The following FAF1 variants were observed in gnomAD, a reference collection of about 807,000 sequenced individuals.
The protein encoded by FAF1 is FAS-associated factor 1.
In FAF1, 25 loss-of-function variants were observed where a neutral mutation model predicts 92.5. The observed-to-expected ratio is 0.27, with a 90% CI of 0.20 to 0.38. The LOEUF is 0.38. Ranked by LOEUF, FAF1 falls within the 10% of genes least tolerant of loss-of-function variation. The pLI, the probability that FAF1 is intolerant of heterozygous loss-of-function variation, is 1.00. For synonymous variants in FAF1, 234 were observed against 273.2 expected, an observed-to-expected ratio of 0.86 and a Z score of 1.42; for missense variants, 636 against 793.3, an observed-to-expected ratio of 0.80 and a Z score of 2.38.
intron 4 of FAF1, among the ~76,000 whole-genome samples, chr1:50,768,631 T>A (rs1660667352): frequency 6.6e-6 from 1 of 151,272 alleles, no homozygotes. Flanking sequence ...AGTAAGAAAA[T>A]CACTCAAAAG....
intron 8 of FAF1, among the ~76,000 whole-genome samples, chr1:50,653,089 T>C (rs1056653581): frequency 1.3e-5 from 2 of 152,076 alleles, no homozygotes; most frequent in African/African-American, 2.4e-5. Flanking sequence ...CAGTAGACCA[T>C]CATGTATGAA....
intron 2 of FAF1, among the ~76,000 whole-genome samples, chr1:50,807,705 G>T (rs1193240115): frequency 6.6e-6 from 1 of 152,078 alleles, no homozygotes; most frequent in Non-Finnish European, 1.5e-5. Flanking sequence ...AAATAATTCA[G>T]TCAGACAAAA....
chr1:50,869,496 T>C (rs899490331), intron 1 of FAF1, among the ~76,000 whole-genome samples: 7 of 152,178 alleles, frequency 4.6e-5, no homozygotes, highest in Admixed American at 3.9e-4. Context: ...TGTTGCATGT[T>C]TTAGTAAATC....
rs1645213642 is a variant in FAF1 at position 50,951,427 on chromosome 1, T to C, written c.45+8340A>G. Among the ~76,000 whole-genome samples the C allele has an allele frequency of 3.3e-5, 5 of 152,184 alleles. No individual in the cohort carries two copies. In the South Asian group the frequency reaches 1.0e-3, roughly 32 times the overall value. ...AACAGCTAAAATTTATTGAACACTTTCTATGTCAGACACCTTTTCTAATCA... is the reference window on the plus strand; with the variant it reads ...AACAGCTAAAATTTATTGAACACTTCCTATGTCAGACACCTTTTCTAATCA... On this transcript the variant is annotated intron_variant, in intron 1 of 18. Coordinates refer to ENST00000396153, the MANE Select transcript of FAF1 (RefSeq NM_007051.3).
At chr1:50,807,685 C>A (rs6588392) in intron 2 of FAF1, among the ~76,000 whole-genome samples, 1 of 151,930 alleles carries the variant, frequency 6.6e-6, no homozygotes. Context: ...GTCTGAAGAC[C>A]AGTTCTCCAA....
intron 8 of FAF1, among the ~76,000 whole-genome samples, chr1:50,623,844 G>T (rs530883723): frequency 6.6e-6 from 1 of 152,074 alleles, no homozygotes; most frequent in African/African-American, 2.4e-5. Context: ...CCAAGAAGCT[G>T]AAGTGGGAGC....
intron 1 of FAF1, among the ~76,000 whole-genome samples, chr1:50,888,295 C>A (rs1314807557): frequency 6.6e-6 from 1 of 152,168 alleles, no homozygotes; most frequent in Non-Finnish European, 1.5e-5. Context: ...ATGGGGTTTT[C>A]TAAATATACA....
chr1:50,546,844 C>G (rs996025749), intron 13 of FAF1, among the ~76,000 whole-genome samples: 3 of 152,110 alleles, frequency 2.0e-5, no homozygotes, highest in African/African-American at 7.2e-5. Context: ...GAGCAAGTCC[C>G]TTACATGAAG....
intron 1 of FAF1, among the ~76,000 whole-genome samples, chr1:50,935,645 G>C (rs1271298940): frequency 6.6e-6 from 1 of 151,128 alleles, no homozygotes; most frequent in Non-Finnish European, 1.5e-5. Flanking sequence ...GCTAATTTTT[G>C]TATTTTTACT....
intron 15 of FAF1, among the ~76,000 whole-genome samples, chr1:50,522,719 A>C (rs1487563371): frequency 6.6e-6 from 1 of 152,204 alleles, no homozygotes; most frequent in East Asian, 1.9e-4. Context: ...CTCTGCACTC[A>C]AGAATTGAAA....
At chr1:50,696,472 T>C (rs1000291696) in intron 7 of FAF1, among the ~76,000 whole-genome samples, 80 of 152,224 alleles carry the variant, frequency 5.3e-4, no homozygotes, top group Non-Finnish European at 8.8e-4. Context: ...TTGCCTTTGA[T>C]TGTTATGCCT....
At chr1:50,841,654 A>C (rs568438131) in intron 2 of FAF1, among the ~76,000 whole-genome samples, 1 of 152,230 alleles carries the variant, frequency 6.6e-6, no homozygotes, top group East Asian at 1.9e-4. Context: ...AAAGAAAAGA[A>C]AGATATGAAG....
At chr1:50,535,600 T>C (rs1264375954) in intron 14 of FAF1, 143 bp from the exon 15 acceptor site, 3 of 541,108 alleles carry the variant, frequency 5.5e-6, no homozygotes, top group South Asian at 3.1e-5. Flanking sequence ...TAAAATACTT[T>C]TGTGGTTTTA....
At chr1:50,857,000 T>C (rs1021051279) in intron 2 of FAF1, among the ~76,000 whole-genome samples, 1 of 151,824 alleles carries the variant, frequency 6.6e-6, no homozygotes, top group Non-Finnish European at 1.5e-5. Flanking sequence ...TGGAATAATA[T>C]ACCTTAAAAA....
intron 6 of FAF1, among the ~76,000 whole-genome samples, chr1:50,731,956 C>T (rs988617269): frequency 1.3e-5 from 2 of 152,104 alleles, no homozygotes; most frequent in Non-Finnish European, 2.9e-5. Flanking sequence ...TTCTTTGATA[C>T]TGGCTTTGTG....
intron 4 of FAF1, among the ~76,000 whole-genome samples, chr1:50,745,330 C>A (rs1659543974): frequency 6.6e-6 from 1 of 151,718 alleles, no homozygotes; most frequent in African/African-American, 2.4e-5. Context: ...AATAATAAAG[C>A]TAATATATAG....
chr1:50,851,714 G>C (rs1353363444), intron 2 of FAF1, among the ~76,000 whole-genome samples: 4 of 152,052 alleles, frequency 2.6e-5, no homozygotes, highest in Non-Finnish European at 5.9e-5. Context: ...ATGCAATAAA[G>C]TAATTCTAGA....
At chr1:50,861,074 A>G (rs1644428383) in intron 1 of FAF1, among the ~76,000 whole-genome samples, 1 of 151,810 alleles carries the variant, frequency 6.6e-6, no homozygotes, top group African/African-American at 2.4e-5. Flanking sequence ...AAACTGCACT[A>G]CTAGAATGGG....
At chr1:50,709,649 T>C (rs1657834493) in intron 6 of FAF1, among the ~76,000 whole-genome samples, 1 of 152,178 alleles carries the variant, frequency 6.6e-6, no homozygotes, top group Non-Finnish European at 1.5e-5. Context: ...CTAACCTATA[T>C]TTGATTCTAT....
Sources: allele counts gnomAD v4.1 joint callset (sites outside exome capture counted in the v4.1 genomes callset), GRCh38; gene constraint gnomAD v4.1.1; transcripts MANE v1.5; gene names NCBI Gene and HGNC (gene_info 2026-07-23, HGNC 2026-07-21).